The following SLC35D4 variants were observed in gnomAD, a reference collection of about 807,000 sequenced individuals.
The protein encoded by SLC35D4 is UDP-N-acetylglucosamine transporter SLC35D4.
At chr18:23,290,099 C>T in the SLC35D4 span, among the ~76,000 whole-genome samples, 5 of 152,190 alleles carry the variant, frequency 3.3e-5, no homozygotes, top group East Asian at 1.9e-4. Flanking sequence ...TGAGATGCCG[C>T]GTGGGTGAAG....
chr18:23,436,878 G>T, the SLC35D4 span, among the ~76,000 whole-genome samples: 1 of 152,202 alleles, frequency 6.6e-6, no homozygotes, highest in South Asian at 2.1e-4. Flanking sequence ...ATTCATTGTA[G>T]GAGAGGAGGT....
At chr18:23,287,588 A>T in the SLC35D4 span, among the ~76,000 whole-genome samples, 20 of 152,310 alleles carry the variant, frequency 1.3e-4, no homozygotes, top group African/African-American at 4.3e-4. Flanking sequence ...CTTCCTGGGC[A>T]TGGTTGGATA....
At chr18:23,357,342 G>A in the SLC35D4 span, among the ~76,000 whole-genome samples, 1 of 152,168 alleles carries the variant, frequency 6.6e-6, no homozygotes, top group South Asian at 2.1e-4. Flanking sequence ...CTTGGTGCAA[G>A]AGGAAATAAT....
At chr18:23,404,229 A>G in the SLC35D4 span, among the ~76,000 whole-genome samples, 8 of 152,218 alleles carry the variant, frequency 5.3e-5, no homozygotes, top group African/African-American at 7.2e-5. Context: ...TCACAAACCT[A>G]TTCTTCATTG....
the SLC35D4 span, among the ~76,000 whole-genome samples, chr18:23,407,196 G>A: frequency 6.6e-6 from 1 of 152,134 alleles, no homozygotes; most frequent in Non-Finnish European, 1.5e-5. Flanking sequence ...TTTATCAAAT[G>A]GGGATAATAA....
chr18:23,309,640 T>A, the SLC35D4 span: 12 of 1,579,664 alleles, frequency 7.6e-6, no homozygotes, highest in Non-Finnish European at 1.0e-5. Flanking sequence ...TGAAACTCAG[T>A]AACTAATTGG....
At chr18:23,371,536 C>T in the SLC35D4 span, 2 of 1,354,368 alleles carry the variant, frequency 1.5e-6, 1 homozygote, top group South Asian at 2.8e-5. Flanking sequence ...TCCAGTGTGG[C>T]CATCAGAAAA....
the SLC35D4 span, among the ~76,000 whole-genome samples, chr18:23,437,178 C>T: frequency 6.6e-6 from 1 of 152,258 alleles, no homozygotes; most frequent in African/African-American, 2.4e-5. Context: ...ACCACTGCTT[C>T]TCTGCCTCCT....
chr18:23,282,423 C>T, the SLC35D4 span, among the ~76,000 whole-genome samples: 2 of 152,226 alleles, frequency 1.3e-5, no homozygotes, highest in Non-Finnish European at 2.9e-5. Flanking sequence ...ACAGCAGGAG[C>T]AAAGATTCGC....
the SLC35D4 span, chr18:23,421,215 G>C: frequency 1.5e-6 from 1 of 662,812 alleles, no homozygotes; most frequent in Non-Finnish European, 2.4e-6. Flanking sequence ...CTGCACCCTA[G>C]CCTGGGAGAC....
At chr18:23,242,915 A>G in the SLC35D4 span, among the ~76,000 whole-genome samples, 1 of 152,148 alleles carries the variant, frequency 6.6e-6, no homozygotes, top group African/African-American at 2.4e-5. Flanking sequence ...GATGCTGAGC[A>G]GTGGGAAGTA....
the SLC35D4 span, among the ~76,000 whole-genome samples, chr18:23,351,189 T>C: frequency 6.6e-6 from 1 of 152,088 alleles, no homozygotes. Context: ...GGTGGATCAT[T>C]TGAGGTCAGG....
chr18:23,407,577 T>TCACACACACACA, the SLC35D4 span, among the ~76,000 whole-genome samples: 1 of 150,952 alleles, frequency 6.6e-6, no homozygotes, highest in African/African-American at 2.4e-5. Flanking sequence ...TCTCTTTATC[T>TCACACACACACA]CACACACACA....
the SLC35D4 span, among the ~76,000 whole-genome samples, chr18:23,304,441 T>A: frequency 6.8e-6 from 1 of 147,808 alleles, no homozygotes; most frequent in South Asian, 2.1e-4. Flanking sequence ...TATAATAAAA[T>A]ATATATAATT....
At chr18:23,304,500 A>G in the SLC35D4 span, among the ~76,000 whole-genome samples, 48 of 113,502 alleles carry the variant, frequency 4.2e-4, no homozygotes, top group Admixed American at 2.1e-3. Flanking sequence ...AAATGACATT[A>G]TATATCTATC....
the SLC35D4 span, among the ~76,000 whole-genome samples, chr18:23,264,796 C>T: frequency 2.6e-5 from 4 of 152,060 alleles, no homozygotes; most frequent in Admixed American, 6.5e-5. Context: ...AGGTGCATCA[C>T]GCCACGCCCA....
the SLC35D4 span, among the ~76,000 whole-genome samples, chr18:23,414,072 T>A: frequency 2.0e-5 from 3 of 149,054 alleles, no homozygotes; most frequent in Admixed American, 1.3e-4. Context: ...CTGGCCAAGA[T>A]GGCGAAACCC....
the SLC35D4 span, among the ~76,000 whole-genome samples, chr18:23,339,034 C>G: frequency 1.3e-5 from 2 of 152,088 alleles, no homozygotes; most frequent in African/African-American, 4.8e-5. Flanking sequence ...ACTACAGGTA[C>G]AAGCCACCAC....
chr18:23,251,923 TA>T, the SLC35D4 span, among the ~76,000 whole-genome samples: 4 of 151,956 alleles, frequency 2.6e-5, no homozygotes, highest in Non-Finnish European at 5.9e-5. Context: ...CAGTCTCTCT[TA>T]AAAATACAAA....
Sources: allele counts gnomAD v4.1 joint callset (sites outside exome capture counted in the v4.1 genomes callset), GRCh38; gene constraint gnomAD v4.1.1; transcripts MANE v1.5; gene names NCBI Gene and HGNC (gene_info 2026-07-23, HGNC 2026-07-21).